The following WFDC11 variants were observed in gnomAD, a reference collection of about 807,000 sequenced individuals.
WFDC11 encodes protein WFDC11.
WFDC11 carries 9 observed loss-of-function variants against 9.9 expected under a neutral mutation model. The ratio of observed to expected loss-of-function variants is 0.91; its 90% confidence interval spans 0.55 to 1.58. WFDC11 has a LOEUF of 1.58. Ranked by LOEUF, WFDC11 falls within the 40% of genes most tolerant of loss-of-function variation. The probability of loss-of-function intolerance (pLI) is 0.00; values close to 1 mark genes in which losing one functional copy is unlikely to be tolerated. For synonymous variants in WFDC11, 32 were observed against 33.3 expected, an observed-to-expected ratio of 0.96 and a Z score of 0.13; for missense variants, 106 against 101.7, an observed-to-expected ratio of 1.04 and a Z score of -0.18.
intron 2 of WFDC11, among the ~76,000 whole-genome samples, chr20:45,662,871 A>C (rs140486816): frequency 0.01 from 1,568 of 152,176 alleles, 27 homozygotes; most frequent in African/African-American, 0.035. Flanking sequence ...GGATATTGGT[A>C]TAAAATTATC....
chr20:45,666,723 T>A (rs1283713525), intron 2 of WFDC11, among the ~76,000 whole-genome samples: 1 of 152,236 alleles, frequency 6.6e-6, no homozygotes, highest in Non-Finnish European at 1.5e-5. Flanking sequence ...TTTTCTTTTA[T>A]GAAATTCAAA....
intron 2 of WFDC11, among the ~76,000 whole-genome samples, chr20:45,655,244 G>T (rs560457766): frequency 1.3e-5 from 2 of 152,022 alleles, no homozygotes; most frequent in Non-Finnish European, 2.9e-5. Context: ...ATGATCAAGT[G>T]GGCTTCATCC....
intron 2 of WFDC11, 122 bp from the exon 3 acceptor site, chr20:45,650,773 G>T: frequency 1.8e-6 from 1 of 542,382 alleles, no homozygotes; most frequent in Non-Finnish European, 3.2e-6. Context: ...CCAACAACTG[G>T]CACACCTAAG....
At chr20:45,664,073 G>T (rs1983133539) in intron 2 of WFDC11, among the ~76,000 whole-genome samples, 1 of 152,134 alleles carries the variant, frequency 6.6e-6, no homozygotes, top group Non-Finnish European at 1.5e-5. Context: ...CTCTTTGCAG[G>T]TCTCTAAGGA....
At position 45,664,864 on chromosome 20, in the gene WFDC11, T is replaced by C. The variant is rs553542001; in HGVS notation, c.-52+2224A>G. On this transcript the variant is annotated intron_variant, in intron 2 of 4. Coordinates refer to ENST00000324384, the MANE Select transcript of WFDC11 (RefSeq NM_147197.2). ...TGCCCTTAACATTTTTTCCTTCATT[T>C]CAACTTTAGTGAATCTAACAATTTG... Among the ~76,000 whole-genome samples, 113 of 152,336 alleles carry C rather than the reference T, an allele frequency of 7.4e-4. No individual in the cohort carries two copies. The South Asian group carries it at 0.011, about 14-fold the overall frequency.
At chr20:45,664,745 C>T (rs936131616) in intron 2 of WFDC11, among the ~76,000 whole-genome samples, 1 of 152,170 alleles carries the variant, frequency 6.6e-6, no homozygotes, top group Admixed American at 6.5e-5. Flanking sequence ...ATTATTGGCT[C>T]CCACTCTCTT....
rs6104283 is a variant in WFDC11 at position 45,662,771 on chromosome 20, A to C, written c.-52+4317T>G. ...AGCCTTGCATTCCAGGGATGAAGCC[A>C]ACTTGATCATGGTGGATAAGCTTTT... On this transcript the variant is annotated intron_variant, in intron 2 of 4. Coordinates refer to ENST00000324384, the MANE Select transcript of WFDC11 (RefSeq NM_147197.2). 9.4e-3 allele frequency among the ~76,000 whole-genome samples: 1,426 copies of C among 152,066 alleles called. 24 individuals carry two copies. Among genetic ancestry groups the C allele is most frequent in the East Asian group, 0.047 (243 of 5,186 alleles).
chr20:45,657,166 A>G (rs1382309309), intron 2 of WFDC11, among the ~76,000 whole-genome samples: 1 of 152,204 alleles, frequency 6.6e-6, no homozygotes, highest in African/African-American at 2.4e-5. Context: ...CACAATAGCA[A>G]GGACTTGGAA....
chr20:45,649,448 G>C (rs373373775), intron 3 of WFDC11, 49 bp from the exon 4 acceptor site: 21 of 1,596,148 alleles, frequency 1.3e-5, no homozygotes, highest in Non-Finnish European at 1.6e-5. Context: ...TTTCAGCCAA[G>C]AGCGGAAAGA....
chr20:45,662,554 T>A (rs906012104), intron 2 of WFDC11, among the ~76,000 whole-genome samples: 6 of 152,156 alleles, frequency 3.9e-5, no homozygotes, highest in Non-Finnish European at 7.3e-5. Context: ...TGGCTGTGGG[T>A]TTGTCATAGA....
rs779593840 is a variant in WFDC11 at position 45,648,755 on chromosome 20, G to A, written c.244-16C>T. The A allele has an allele frequency of 1.9e-6, 3 of 1,613,814 alleles. No homozygotes were observed. In the African/African-American group the frequency reaches 4.0e-5, roughly 22 times the overall value. On this transcript the variant is annotated splice_polypyrimidine_tract_variant and intron_variant, in intron 4 of 4. Transcript: ENST00000324384. ...CACTGGTTTCCTGTAAAACAAAAAG[G>A]TTAGATTTTTAGAGGCTAGAGAACT... is the stretch of plus-strand genomic sequence containing the variant.
chr20:45,656,223 T>TAA (rs141256331), intron 2 of WFDC11, among the ~76,000 whole-genome samples: 24,143 of 150,696 alleles, frequency 0.16, 2,150 homozygotes, highest in East Asian at 0.32. Context: ...ATAGTACTGG[T>TAA]AAAAAAAAAC....
rs1397369392 is a variant in WFDC11, at chr20:45,648,844, G to T, written c.244-105C>A. 9 of 1,217,278 alleles carry T rather than the reference G, an allele frequency of 7.4e-6. No homozygotes were observed. The Admixed American group carries it at 9.3e-5, about 13-fold the overall frequency. The allele number at this position is 1,217,278 out of a possible 1,614,324, so 75.4% of individuals were successfully genotyped here. A position where few individuals can be genotyped will look rare whatever the true frequency, so the allele number is the denominator to read the frequency against. Reference sequence around the variant, plus strand: ...CCATGTTCACCAGACAATGGGACAAGAATACTTTAACGTAACAACAGGAGT... The same window carrying T: ...CCATGTTCACCAGACAATGGGACAATAATACTTTAACGTAACAACAGGAGT... On this transcript the variant is annotated intron_variant, in intron 4 of 4. Transcript: ENST00000324384.
chr20:45,659,170 C>T (rs1267895855), intron 2 of WFDC11, among the ~76,000 whole-genome samples: 5 of 152,228 alleles, frequency 3.3e-5, no homozygotes, highest in African/African-American at 4.8e-5. Flanking sequence ...CTGCAATAAA[C>T]ATACATGTGC....
At chr20:45,667,244 C>A (rs1568664848) in intron 1 of WFDC11, 75 bp from the exon 2 acceptor site, 2 of 152,222 alleles carry the variant, frequency 1.3e-5, no homozygotes, top group Non-Finnish European at 2.9e-5. Context: ...TGTGGCAGAT[C>A]TGTAAGTTCT....
intron 2 of WFDC11, among the ~76,000 whole-genome samples, chr20:45,655,587 A>G (rs1019160695): frequency 4.6e-5 from 7 of 152,220 alleles, no homozygotes; most frequent in African/African-American, 1.7e-4. Context: ...GGCCAGGGCA[A>G]TCAGGCAGGA....
intron 2 of WFDC11, among the ~76,000 whole-genome samples, chr20:45,664,156 T>G (rs1983136358): frequency 6.6e-6 from 1 of 152,252 alleles, no homozygotes; most frequent in South Asian, 2.1e-4. Flanking sequence ...TCTTGTTGAA[T>G]TGATCCCTTT....
At chr20:45,651,390 GTTT>G (rs1982802889) in intron 2 of WFDC11, among the ~76,000 whole-genome samples, 1 of 151,700 alleles carries the variant, frequency 6.6e-6, no homozygotes, top group Non-Finnish European at 1.5e-5. Context: ...TTTTTGTTTT[GTTT>G]GTTTGTTTGT....
intron 2 of WFDC11, among the ~76,000 whole-genome samples, chr20:45,657,559 TG>T (rs1982963600): frequency 6.6e-6 from 1 of 152,174 alleles, no homozygotes; most frequent in South Asian, 2.1e-4. Flanking sequence ...GTTGTGCACA[TG>T]TACCCTAAAA....
Sources: allele counts gnomAD v4.1 joint callset (sites outside exome capture counted in the v4.1 genomes callset), GRCh38; gene constraint gnomAD v4.1.1; transcripts MANE v1.5; gene names NCBI Gene and HGNC (gene_info 2026-07-23, HGNC 2026-07-21).